The following TNKS variants were observed in gnomAD, a reference collection of about 807,000 sequenced individuals.
TNKS encodes tankyrase, also known as poly [ADP-ribose] polymerase tankyrase-1.
In TNKS, 72 loss-of-function variants were observed where a neutral mutation model predicts 135.8. That is an observed-to-expected ratio of 0.53 (90% CI 0.44 to 0.64). The LOEUF is 0.64. Ranked by LOEUF, TNKS falls within the 30% of genes least tolerant of loss-of-function variation. The probability of loss-of-function intolerance (pLI) is 0.00; values close to 1 mark genes in which losing one functional copy is unlikely to be tolerated. For missense variants in TNKS, 1,769 were observed against 1,674.0 expected, an observed-to-expected ratio of 1.06 and a Z score of -0.99; for synonymous variants, 849 against 649.3, an observed-to-expected ratio of 1.31 and a Z score of -4.68.
intron 3 of TNKS, among the ~76,000 whole-genome samples, chr8:9,676,684 C>CTGTGTGTG (rs762391942): frequency 2.5e-3 from 151 of 59,236 alleles, no homozygotes; most frequent in Middle Eastern, 8.9e-3. Flanking sequence ...CTCTCTCTCT[C>CTGTGTGTG]TCTGTGTGTG....
chr8:9,752,475 A>G, intron 19 of TNKS, 69 bp from the exon 20 acceptor site: 1 of 1,198,940 alleles, frequency 8.3e-7, no homozygotes. Flanking sequence ...TCATGTCTAA[A>G]TGGATACTGA....
At chr8:9,686,807 T>C (rs898695404) in intron 5 of TNKS, among the ~76,000 whole-genome samples, 1 of 152,192 alleles carries the variant, frequency 6.6e-6, no homozygotes, top group Non-Finnish European at 1.5e-5. Context: ...GTTTCAGCTG[T>C]TATTAGCCAT....
In TNKS at chr8:9,778,409, T is replaced by G. The variant is rs1229683552; in HGVS notation, c.*1673T>G. ...CCTGAAGCAAAATAAAATGGTTACA[T>G]GCAAAACTTCTAGAAATAGACTCTT... On this transcript the variant is annotated 3_prime_UTR_variant, in exon 27 of 27. Coordinates refer to ENST00000310430, the MANE Select transcript of TNKS (RefSeq NM_003747.3). The G allele has an allele frequency of 6.6e-6, 1 of 152,628 alleles. No homozygotes were observed. The highest frequency in any genetic ancestry group is 1.9e-4 in the East Asian group (1 of 5,204). The allele number at this position is 152,628 out of a possible 1,614,324, so 9.5% of individuals were successfully genotyped here. A position where few individuals can be genotyped will look rare whatever the true frequency, so the allele number is the denominator to read the frequency against.
At chr8:9,599,839 C>T (rs1222710007) in intron 2 of TNKS, among the ~76,000 whole-genome samples, 5 of 151,566 alleles carry the variant, frequency 3.3e-5, no homozygotes, top group Non-Finnish European at 2.9e-5. Flanking sequence ...AACTTGACAA[C>T]AGGCGCAAAA....
intron 3 of TNKS, among the ~76,000 whole-genome samples, chr8:9,672,191 C>G (rs1482887825): frequency 3.9e-5 from 6 of 152,186 alleles, no homozygotes; most frequent in Non-Finnish European, 7.4e-5. Context: ...TCTTACTATG[C>G]CTAGTTTATA....
chr8:9,558,210 G>A (rs1301293643), intron 1 of TNKS: 3 of 152,124 alleles, frequency 2.0e-5, no homozygotes, highest in African/African-American at 7.2e-5. Flanking sequence ...AGCAAATGCT[G>A]CTTGTGATCC....
chr8:9,577,586 A>C (rs983723410), intron 1 of TNKS, among the ~76,000 whole-genome samples: 2 of 152,076 alleles, frequency 1.3e-5, no homozygotes, highest in Admixed American at 6.5e-5. Context: ...AAACAACCAG[A>C]TCTTGTGAGA....
At chr8:9,649,436 C>T (rs185760895) in intron 3 of TNKS, among the ~76,000 whole-genome samples, 2 of 152,188 alleles carry the variant, frequency 1.3e-5, no homozygotes, top group Non-Finnish European at 2.9e-5. Flanking sequence ...GTAAGTTACA[C>T]TGAAGAAGAA....
chr8:9,637,181 A>G (rs1466403346), intron 3 of TNKS, among the ~76,000 whole-genome samples: 3 of 152,226 alleles, frequency 2.0e-5, no homozygotes, highest in African/African-American at 7.2e-5. Flanking sequence ...TGGGAAATTA[A>G]TTAGACAGGA....
At chr8:9,748,941 A>G (rs1020777257) in intron 18 of TNKS, among the ~76,000 whole-genome samples, 1 of 152,168 alleles carries the variant, frequency 6.6e-6, no homozygotes, top group African/African-American at 2.4e-5. Context: ...CTTGACAGAT[A>G]CAACTAGAAG....
rs748103900 is a variant in TNKS, at chr8:9,748,209, A to T, written c.2829A>T (p.Ala943=). 5 of 1,545,586 alleles carry T rather than the reference A, an allele frequency of 3.2e-6. No individual in the cohort carries two copies. The highest frequency in any genetic ancestry group is 1.2e-5 in the South Asian group (1 of 82,034). Residue 943 remains alanine, a synonymous_variant, in exon 18 of 27, where the codon GCA becomes GCT. Transcript: ENST00000310430. ...NQEGQTPLDL[A]TADDIRALLI... is the part of the protein sequence containing the mutation. ...AAGGCCAGACGCCTCTGGATCTGGC[A>T]ACAGTAAGTCCTCATTTCAGATACT... is the stretch of plus-strand genomic sequence containing the variant.
chr8:9,620,242 C>G (rs936131850), intron 3 of TNKS, among the ~76,000 whole-genome samples: 1 of 152,144 alleles, frequency 6.6e-6, no homozygotes. Flanking sequence ...CCACCGTGCC[C>G]GGCCGGGACT....
chr8:9,729,660 C>T (rs1805329237), intron 13 of TNKS, among the ~76,000 whole-genome samples: 1 of 152,016 alleles, frequency 6.6e-6, no homozygotes, highest in Non-Finnish European at 1.5e-5. Context: ...AACCTTCATC[C>T]CTGATTTATT....
chr8:9,759,668 T>TATC (rs901852062), intron 20 of TNKS, among the ~76,000 whole-genome samples: 1 of 152,134 alleles, frequency 6.6e-6, no homozygotes, highest in South Asian at 2.1e-4. Context: ...GCACTGTATG[T>TATC]ATCAATCCAG....
At chr8:9,698,683 T>C (rs758297550) in intron 5 of TNKS, among the ~76,000 whole-genome samples, 8 of 152,336 alleles carry the variant, frequency 5.3e-5, no homozygotes, top group Non-Finnish European at 8.8e-5. Flanking sequence ...TGGACTTACG[T>C]TGAAGCCACA....
intron 3 of TNKS, among the ~76,000 whole-genome samples, chr8:9,669,077 T>C (rs972336203): frequency 2.0e-5 from 3 of 152,050 alleles, no homozygotes; most frequent in East Asian, 1.9e-4. Flanking sequence ...AGGACTGTTA[T>C]AGGAGGTGGG....
chr8:9,608,334 T>A (rs1799314150), intron 2 of TNKS, among the ~76,000 whole-genome samples: 1 of 152,176 alleles, frequency 6.6e-6, no homozygotes, highest in African/African-American at 2.4e-5. Context: ...ATCATAAAAA[T>A]AGTTTTGACT....
At chr8:9,683,328 C>G (rs1190668104) in intron 5 of TNKS, among the ~76,000 whole-genome samples, 1 of 151,840 alleles carries the variant, frequency 6.6e-6, no homozygotes, top group Non-Finnish European at 1.5e-5. Flanking sequence ...ATATGTAGTC[C>G]TTTTTTAGAA....
chr8:9,570,260 C>T (rs1371916615), intron 1 of TNKS, among the ~76,000 whole-genome samples: 1 of 151,920 alleles, frequency 6.6e-6, no homozygotes, highest in Non-Finnish European at 1.5e-5. Context: ...GGCAATAAAG[C>T]GAGATCCCTG....
Sources: allele counts gnomAD v4.1 joint callset (sites outside exome capture counted in the v4.1 genomes callset), GRCh38; gene constraint gnomAD v4.1.1; transcripts MANE v1.5; gene names NCBI Gene and HGNC (gene_info 2026-07-23, HGNC 2026-07-21).